COG5: variants seen among roughly 807,000 people sequenced by gnomAD.
COG5 encodes the protein conserved oligomeric Golgi complex subunit 5.
A neutral mutation model predicts 110.4 loss-of-function variants in COG5; 86 were observed. That is an observed-to-expected ratio of 0.78 (90% CI 0.65 to 0.93). The LOEUF is 0.93. COG5 is among the 40% of genes least tolerant of loss of function. The pLI is 0.00. For missense variants in COG5, 1,077 were observed against 987.0 expected, an observed-to-expected ratio of 1.09 and a Z score of -1.22; for synonymous variants, 360 against 334.6, an observed-to-expected ratio of 1.08 and a Z score of -0.83.
At chr7:107,473,740 T>G (rs1263968927) in intron 6 of COG5, among the ~76,000 whole-genome samples, 1 of 151,966 alleles carries the variant, frequency 6.6e-6, no homozygotes, top group Non-Finnish European at 1.5e-5. Context: ...AAAATACACT[T>G]TATCTCAAAT....
chr7:107,445,034 C>A (rs560200978), intron 6 of COG5, among the ~76,000 whole-genome samples: 10 of 151,784 alleles, frequency 6.6e-5, no homozygotes, highest in African/African-American at 1.9e-4. Context: ...CAAAAAATAC[C>A]AGTGGTGACA....
At chr7:107,399,847 C>A (rs1291271576) in intron 7 of COG5, among the ~76,000 whole-genome samples, 1 of 152,098 alleles carries the variant, frequency 6.6e-6, no homozygotes, top group Non-Finnish European at 1.5e-5. Context: ...AGAAAATGCA[C>A]ATAAAAAGTA....
chr7:107,237,941 C>A (rs776023445), intron 17 of COG5, among the ~76,000 whole-genome samples: 1 of 151,980 alleles, frequency 6.6e-6, no homozygotes, highest in Non-Finnish European at 1.5e-5. Flanking sequence ...ATAAAAGAAG[C>A]CTCCCTATCC....
At chr7:107,511,836 A>C (rs1268824666) in intron 6 of COG5, among the ~76,000 whole-genome samples, 1 of 152,220 alleles carries the variant, frequency 6.6e-6, no homozygotes, top group Admixed American at 6.5e-5. Context: ...CCTTTGACAA[A>C]ATTCAACAAC....
chr7:107,496,666 AAC>A (rs1411720709), intron 6 of COG5, among the ~76,000 whole-genome samples: 5 of 151,280 alleles, frequency 3.3e-5, no homozygotes, highest in East Asian at 1.9e-4. Context: ...TCAAAAAAAA[AAC>A]AAAAAACAAA....
chr7:107,348,250 T>C (rs753167265), intron 10 of COG5, among the ~76,000 whole-genome samples: 24 of 151,952 alleles, frequency 1.6e-4, no homozygotes, highest in Non-Finnish European at 2.4e-4. Flanking sequence ...CAATATATAT[T>C]CCTGAGCATA....
In COG5 at chr7:107,265,851, T is replaced by A. The variant is rs1265584798; in HGVS notation, c.1576-7468A>T. On this transcript the variant is annotated intron_variant, in intron 14 of 21. Transcript: ENST00000297135. ...GGGAGGATCGCTTGAGCTCAGAAGT[T>A]TGAGACCAACCTGAGCAACATAGTG... Among the ~76,000 whole-genome samples the A allele has an allele frequency of 2.0e-5, 3 of 152,032 alleles. No individual in the cohort carries two copies. The East Asian group carries it at 5.8e-4, about 29-fold the overall frequency.
intron 8 of COG5, among the ~76,000 whole-genome samples, chr7:107,365,502 G>T (rs1263894989): frequency 2.1e-5 from 3 of 140,884 alleles, no homozygotes; most frequent in South Asian, 4.9e-4. Flanking sequence ...AAAACCAATT[G>T]TAAGAATTTG....
At chr7:107,545,482 G>A (rs190662817) in intron 5 of COG5, among the ~76,000 whole-genome samples, 2 of 152,200 alleles carry the variant, frequency 1.3e-5, no homozygotes, top group Admixed American at 6.5e-5. Flanking sequence ...TCTATTCAAA[G>A]TGCTGAAAGA....
intron 6 of COG5, among the ~76,000 whole-genome samples, chr7:107,485,703 G>A (rs1468933980): frequency 6.6e-6 from 1 of 152,140 alleles, no homozygotes; most frequent in African/African-American, 2.4e-5. Flanking sequence ...GGTCCATTAT[G>A]ATAGCACTTA....
At chr7:107,531,703 A>C in intron 5 of COG5, among the ~76,000 whole-genome samples, 1 of 142,288 alleles carries the variant, frequency 7.0e-6, no homozygotes, top group Non-Finnish European at 1.5e-5. Flanking sequence ...TATGAAATTG[A>C]TTTAAACATA....
chr7:107,495,316 T>C (rs905101494), intron 6 of COG5, among the ~76,000 whole-genome samples: 2 of 152,002 alleles, frequency 1.3e-5, no homozygotes, highest in African/African-American at 4.8e-5. Context: ...GGGAAAACCA[T>C]AAGGTACTAC....
intron 6 of COG5, among the ~76,000 whole-genome samples, chr7:107,481,629 T>C (rs1288158945): frequency 6.6e-6 from 1 of 152,168 alleles, no homozygotes; most frequent in East Asian, 1.9e-4. Context: ...ATCCAAAATA[T>C]TGCTAATGCC....
At chr7:107,556,010 T>C (rs1274297509) in intron 2 of COG5, among the ~76,000 whole-genome samples, 1 of 149,594 alleles carries the variant, frequency 6.7e-6, no homozygotes. Flanking sequence ...CAAGACTCTG[T>C]CTCAAAGAAA....
chr7:107,419,320 A>G (rs1164652990), intron 6 of COG5, among the ~76,000 whole-genome samples: 1 of 152,098 alleles, frequency 6.6e-6, no homozygotes, highest in Non-Finnish European at 1.5e-5. Context: ...GAAAAATTAT[A>G]AATAAAAGCT....
chr7:107,236,731 T>C (rs1234324081), intron 17 of COG5, 44 bp from the exon 18 acceptor site: 2 of 1,265,376 alleles, frequency 1.6e-6, no homozygotes, highest in Non-Finnish European at 2.3e-6. Flanking sequence ...CTGCACTAAA[T>C]CACACTCTTT....
intron 7 of COG5, among the ~76,000 whole-genome samples, chr7:107,378,953 C>T (rs1405095611): frequency 1.3e-5 from 2 of 151,974 alleles, no homozygotes; most frequent in Non-Finnish European, 2.9e-5. Flanking sequence ...AGAGGAGCAC[C>T]CAAGTCACAT....
At chr7:107,221,389 C>T (rs991864683) in intron 19 of COG5, among the ~76,000 whole-genome samples, 9 of 152,050 alleles carry the variant, frequency 5.9e-5, no homozygotes, top group Non-Finnish European at 1.2e-4. Flanking sequence ...AATTTTGGTC[C>T]TCCCATCTCT....
chr7:107,370,649 G>A (rs1464390418), intron 8 of COG5, among the ~76,000 whole-genome samples: 1 of 151,802 alleles, frequency 6.6e-6, no homozygotes, highest in Non-Finnish European at 1.5e-5. Context: ...AGCTGGGCAT[G>A]GTGGTGGGCT....
Sources: allele counts gnomAD v4.1 joint callset (sites outside exome capture counted in the v4.1 genomes callset), GRCh38; gene constraint gnomAD v4.1.1; transcripts MANE v1.5; gene names NCBI Gene and HGNC (gene_info 2026-07-23, HGNC 2026-07-21).